The following ESF1 variants were observed in gnomAD, a reference collection of about 807,000 sequenced individuals.
ESF1 encodes the protein ESF1 nucleolar pre-rRNA processing protein, also known as ESF1 homolog.
Under a neutral mutation model 92.0 loss-of-function variants are expected in ESF1, and 58 were observed. That is an observed-to-expected ratio of 0.63 (90% CI 0.51 to 0.78). ESF1 has a LOEUF of 0.78. Among genes scored for constraint, ESF1 ranks in the 30% least tolerant of loss-of-function variants. ESF1 has a pLI of 0.00. For missense variants in ESF1, 922 were observed against 989.1 expected (o/e 0.93, Z 0.91); for synonymous variants, 321 against 313.7 (o/e 1.02, Z -0.24).
At chr20:13,775,726 A>G in intron 3 of ESF1, 147 bp downstream of exon 3, 1 of 928,106 alleles carries the variant, frequency 1.1e-6, no homozygotes, top group African/African-American at 1.7e-5. Flanking sequence ...AGTTCATATA[A>G]TTATATTCCA....
intron 9 of ESF1, among the ~76,000 whole-genome samples, chr20:13,736,387 T>C (rs970345879): frequency 1.3e-5 from 2 of 152,322 alleles, no homozygotes; most frequent in African/African-American, 4.8e-5. Flanking sequence ...AAAAGGGCTA[T>C]GTCAATATTT....
At chr20:13,725,147 C>T (rs959547775) in intron 11 of ESF1, among the ~76,000 whole-genome samples, 1 of 152,210 alleles carries the variant, frequency 6.6e-6, no homozygotes, top group Non-Finnish European at 1.5e-5. Flanking sequence ...TTCTACGTCC[C>T]TACCCTATCT....
At chr20:13,732,695 A>G (rs1183044383) in intron 10 of ESF1, among the ~76,000 whole-genome samples, 1 of 152,230 alleles carries the variant, frequency 6.6e-6, no homozygotes, top group East Asian at 1.9e-4. Flanking sequence ...AAGCTGCAAA[A>G]TTTTGTCATT....
chr20:13,716,126 T>A (rs1006187262), intron 13 of ESF1, among the ~76,000 whole-genome samples: 1 of 152,136 alleles, frequency 6.6e-6, no homozygotes. Context: ...CTACCCTCCA[T>A]TGTTTGAACA....
chr20:13,759,657 C>A (rs778652741), intron 9 of ESF1, 35 bp downstream of exon 9: 1 of 1,561,906 alleles, frequency 6.4e-7, no homozygotes, highest in South Asian at 1.2e-5. Flanking sequence ...TGCTGAAATT[C>A]GAAAAAGAGA....
intron 11 of ESF1, among the ~76,000 whole-genome samples, chr20:13,721,149 G>C (rs957390187): frequency 6.6e-6 from 1 of 152,062 alleles, no homozygotes; most frequent in Non-Finnish European, 1.5e-5. Context: ...AGAAATGACT[G>C]CTTCTATTAT....
intron 7 of ESF1, among the ~76,000 whole-genome samples, chr20:13,767,366 G>A (rs1280635027): frequency 6.6e-6 from 1 of 151,850 alleles, no homozygotes; most frequent in Non-Finnish European, 1.5e-5. Context: ...ATCTCTACAT[G>A]AAAAATTAGC....
intron 9 of ESF1, among the ~76,000 whole-genome samples, chr20:13,750,410 CAGG>C (rs1230228043): frequency 6.6e-6 from 1 of 152,162 alleles, no homozygotes; most frequent in Non-Finnish European, 1.5e-5. Flanking sequence ...GAGGCTGAGG[CAGG>C]AGAATTGCTT....
In ESF1 at chr20:13,715,115, T is replaced by A; in HGVS notation, c.2315A>T (p.Asn772Ile). ...FQAMYTSHLF[N>I]LDPSDPNFKK... ...GAAATTGGGATCTGAGGGGTCCAAA[T>A]TGAACAAGTGGGAAGTGTACATTGC... Residue 772 changes from asparagine (N) to isoleucine (I), a missense_variant, in exon 14 of 14, where the codon AAT (asparagine) becomes ATT (isoleucine). Physicochemically the swap from Asn to Ile is moderately radical, Grantham distance 149 (BLOSUM62 -3). Transcript: ENST00000617257. 6.2e-7 allele frequency: 1 copy of A among 1,613,756 alleles called. No homozygotes were observed. The highest frequency in any genetic ancestry group is 8.5e-7 in the Non-Finnish European group (1 of 1,179,934).
At chr20:13,737,739 C>T (rs35621141) in intron 9 of ESF1, among the ~76,000 whole-genome samples, 13,853 of 152,108 alleles carry the variant, frequency 0.091, 720 homozygotes, top group African/African-American at 0.13. Flanking sequence ...CTGCAACCTC[C>T]GCCTCCCAGA....
At chr20:13,783,790 G>A (rs1980417135) in intron 1 of ESF1, among the ~76,000 whole-genome samples, 1 of 152,114 alleles carries the variant, frequency 6.6e-6, no homozygotes, top group South Asian at 2.1e-4. Flanking sequence ...CACCAGCTGG[G>A]GCAACAGAGT....
intron 10 of ESF1, 56 bp from the exon 11 acceptor site, chr20:13,728,521 T>C (rs992961512): frequency 2.7e-5 from 34 of 1,278,690 alleles, no homozygotes; most frequent in Non-Finnish European, 3.5e-5. Context: ...TTATAATAAA[T>C]GTATACCAAG....
intron 2 of ESF1, among the ~76,000 whole-genome samples, chr20:13,780,592 T>G (rs1310510864): frequency 6.6e-6 from 1 of 152,072 alleles, no homozygotes; most frequent in East Asian, 1.9e-4. Context: ...GTGTGATCTC[T>G]GCTTATCAAG....
At chr20:13,728,488 A>G (rs1388482925) in intron 10 of ESF1, 23 bp from the exon 11 acceptor site, 1 of 1,504,362 alleles carries the variant, frequency 6.6e-7, no homozygotes, top group Non-Finnish European at 9.1e-7. Flanking sequence ...ATATAAAAAT[A>G]CAAAATTTCA....
chr20:13,741,031 C>G, intron 9 of ESF1, among the ~76,000 whole-genome samples: 1 of 152,094 alleles, frequency 6.6e-6, no homozygotes, highest in East Asian at 1.9e-4. Flanking sequence ...CAGGAATCAT[C>G]CCACCAGGAA....
intron 9 of ESF1, among the ~76,000 whole-genome samples, chr20:13,755,422 G>T (rs1461311798): frequency 1.3e-5 from 2 of 151,948 alleles, no homozygotes; most frequent in African/African-American, 4.8e-5. Flanking sequence ...ATTAATACAG[G>T]GGAAGTTATA....
chr20:13,772,533 T>C lies in ESF1; in HGVS notation c.1232A>G (p.Asp411Gly). The C allele has an allele frequency of 6.2e-7, 1 of 1,611,564 alleles. No individual in the cohort carries two copies. Among genetic ancestry groups the C allele is most frequent in the Non-Finnish European group, 8.5e-7 (1 of 1,178,300 alleles). ...TTAATACCAGTCTTTTTCTGGGGCA[T>C]CTTCAGGAATACTTAATAGCTCTAC... ...GPVELLSIPE[D>G]APEKDWTSRE... is the part of the protein sequence containing the mutation. The change falls in exon 5 of 14, where the codon GAT (aspartate) becomes GGT (glycine). Residue 411 changes from aspartate (D) to glycine (G), a missense_variant. Asp to Gly is a moderately conservative substitution (Grantham distance 94). Transcript: ENST00000617257.
intron 10 of ESF1, among the ~76,000 whole-genome samples, chr20:13,732,556 G>C (rs1348726917): frequency 6.6e-6 from 1 of 152,154 alleles, no homozygotes; most frequent in Non-Finnish European, 1.5e-5. Context: ...AAGAACACTG[G>C]TCTGAGTAAC....
At chr20:13,764,646 G>A (rs1979348526) in intron 8 of ESF1, among the ~76,000 whole-genome samples, 1 of 151,996 alleles carries the variant, frequency 6.6e-6, no homozygotes, top group South Asian at 2.1e-4. Flanking sequence ...TAATAAACTA[G>A]AGAAAATAAA....
Sources: gnomAD v4.1 joint callset for allele counts (sites outside exome capture counted in the v4.1 genomes callset) on GRCh38, gnomAD v4.1.1 for gene constraint, MANE v1.5 for transcripts, NCBI Gene and HGNC (gene_info 2026-07-23, HGNC 2026-07-21) for gene names.